The following IMMP2L variants were observed in gnomAD, a reference collection of about 807,000 sequenced individuals.
IMMP2L encodes mitochondrial inner membrane protease subunit 2.
IMMP2L carries 18 observed loss-of-function variants against 19.3 expected under a neutral mutation model. The observed-to-expected ratio is 0.93, with a 90% CI of 0.64 to 1.38. The LOEUF is 1.38. Among genes scored for constraint, IMMP2L ranks in the 40% most tolerant of loss-of-function variants. The pLI is 0.00. For missense variants in IMMP2L, 233 were observed against 218.2 expected, an observed-to-expected ratio of 1.07 and a Z score of -0.43; for synonymous variants, 76 against 73.0, an observed-to-expected ratio of 1.04 and a Z score of -0.21.
intron 3 of IMMP2L, among the ~76,000 whole-genome samples, chr7:111,083,035 T>C (rs1164486349): frequency 6.6e-6 from 1 of 152,214 alleles, no homozygotes; most frequent in Non-Finnish European, 1.5e-5. Flanking sequence ...AACTCTGCTA[T>C]TAAAACAGGG....
rs146397368 is a variant in IMMP2L, at chr7:111,289,272, G to T, written c.239+197966C>A. ...ATCACACATGGGGGCTTGTCAGGGG[G>T]TTGGGGGGCTAGGGAAGGGACAGCA... On this transcript the variant is annotated intron_variant, in intron 3 of 5. Coordinates refer to ENST00000405709, the MANE Select transcript of IMMP2L (RefSeq NM_032549.4). Among the ~76,000 whole-genome samples the T allele has an allele frequency of 2.7e-3, 409 of 151,202 alleles. 1 individual carries two copies. Among genetic ancestry groups the T allele is most frequent in the African/African-American group, 9.3e-3 (383 of 41,184 alleles).
chr7:111,053,406 G>A (rs1793195215), intron 3 of IMMP2L, among the ~76,000 whole-genome samples: 1 of 149,708 alleles, frequency 6.7e-6, no homozygotes, highest in Non-Finnish European at 1.5e-5. Flanking sequence ...AATGGCCCTA[G>A]GTGGTCATAT....
Position 110,728,364 on chromosome 7 carries a change from T to C in IMMP2L, c.409-64643A>G, listed in dbSNP as rs899341531. On this transcript the variant is annotated intron_variant, in intron 5 of 5. Transcript: ENST00000405709. This position sits in a 1 kb window ranked among gnomAD's most constrained non-coding sequence, Gnocchi z 4.6. ...ATATATAAAAATTAGCTGGGCATAGTGGTGTGTGCCTGTAAACCCAGCTAC... is the reference window on the plus strand; with the variant it reads ...ATATATAAAAATTAGCTGGGCATAGCGGTGTGTGCCTGTAAACCCAGCTAC... 1.3e-5 allele frequency among the ~76,000 whole-genome samples: 2 copies of C among 151,810 alleles called. No homozygotes were observed. Among genetic ancestry groups the C allele is most frequent in the African/African-American group, 4.8e-5 (2 of 41,274 alleles).
chr7:111,364,074 G>C (rs1015656345), intron 3 of IMMP2L, among the ~76,000 whole-genome samples: 3 of 151,710 alleles, frequency 2.0e-5, no homozygotes, highest in Non-Finnish European at 4.4e-5. Flanking sequence ...TACTGTCACA[G>C]CACTTACCAT....
chr7:111,358,555 C>G (rs1828945611), intron 3 of IMMP2L, among the ~76,000 whole-genome samples: 1 of 152,068 alleles, frequency 6.6e-6, no homozygotes, highest in Non-Finnish European at 1.5e-5. Context: ...CCACACCAGG[C>G]AGCAAAGCAA....
In IMMP2L at chr7:111,106,058, G is replaced by T. The variant is rs540281551; in HGVS notation, c.240-142493C>A. Among the ~76,000 whole-genome samples the T allele has an allele frequency of 8.5e-5, 13 of 152,060 alleles. 1 individual carries two copies. In the East Asian group the frequency reaches 2.5e-3, roughly 29 times the overall value. On this transcript the variant is annotated intron_variant, in intron 3 of 5. Coordinates refer to ENST00000405709, the MANE Select transcript of IMMP2L (RefSeq NM_032549.4). ...TTAGAAACATATTTGTAATATCACAGTAACACATAACATAGTCTTTTTCCA... is the reference window on the plus strand; with the variant it reads ...TTAGAAACATATTTGTAATATCACATTAACACATAACATAGTCTTTTTCCA...
At chr7:111,090,144 T>C (rs1441796482) in intron 3 of IMMP2L, among the ~76,000 whole-genome samples, 1 of 152,124 alleles carries the variant, frequency 6.6e-6, no homozygotes, top group Non-Finnish European at 1.5e-5. Context: ...AAACATGCAT[T>C]TTTAAAACTG....
chr7:111,215,880 T>G (rs1317577019), intron 3 of IMMP2L, among the ~76,000 whole-genome samples: 1 of 152,168 alleles, frequency 6.6e-6, no homozygotes, highest in East Asian at 1.9e-4. Context: ...GCTGTTAGAA[T>G]TTGTATTTAA....
intron 1 of IMMP2L, among the ~76,000 whole-genome samples, chr7:111,532,294 C>T (rs912732109): frequency 6.6e-6 from 1 of 152,124 alleles, no homozygotes; most frequent in African/African-American, 2.4e-5. Flanking sequence ...ATATTCACTT[C>T]TCTTACACTG....
intron 3 of IMMP2L, among the ~76,000 whole-genome samples, chr7:111,462,109 T>C (rs755654698): frequency 6.6e-6 from 1 of 151,560 alleles, no homozygotes; most frequent in East Asian, 1.9e-4. Flanking sequence ...ATTTTAATAA[T>C]AAATATTCTA....
At chr7:111,440,792 T>C (rs542169728) in intron 3 of IMMP2L, among the ~76,000 whole-genome samples, 1 of 152,076 alleles carries the variant, frequency 6.6e-6, no homozygotes, top group Admixed American at 6.5e-5. Context: ...CTTCTTCCTA[T>C]ATAAAGCTGT....
chr7:111,089,870 G>T (rs1348294293), intron 3 of IMMP2L, among the ~76,000 whole-genome samples: 1 of 150,572 alleles, frequency 6.6e-6, no homozygotes, highest in Non-Finnish European at 1.5e-5. Context: ...AATTTTTCCT[G>T]GTATTATTAT....
chr7:111,484,564 TTTC>T (rs1278630740), intron 3 of IMMP2L, among the ~76,000 whole-genome samples: 1 of 152,184 alleles, frequency 6.6e-6, no homozygotes, highest in Non-Finnish European at 1.5e-5. Context: ...GTGTCACACA[TTTC>T]TTAAATAAAT....
intron 3 of IMMP2L, among the ~76,000 whole-genome samples, chr7:111,329,715 AG>A (rs143779991): frequency 0.013 from 2,050 of 152,012 alleles, 17 homozygotes; most frequent in South Asian, 0.025. Context: ...AGAGAGAAAA[AG>A]GGGAGAACAT....
intron 4 of IMMP2L, among the ~76,000 whole-genome samples, chr7:110,948,683 G>A (rs1453462152): frequency 1.3e-5 from 2 of 152,074 alleles, no homozygotes; most frequent in Admixed American, 1.3e-4. Context: ...TAGTATAATA[G>A]CTCTTCCCCC....
intron 3 of IMMP2L, among the ~76,000 whole-genome samples, chr7:111,393,586 ACG>A (rs1272879795): frequency 4.6e-5 from 7 of 152,112 alleles, no homozygotes; most frequent in African/African-American, 1.7e-4. Context: ...CTGACATTTT[ACG>A]TAGGAGGGAA....
At chr7:110,753,477 G>A (rs920155776) in intron 5 of IMMP2L, among the ~76,000 whole-genome samples, 1 of 151,954 alleles carries the variant, frequency 6.6e-6, no homozygotes, top group Non-Finnish European at 1.5e-5. Flanking sequence ...CCCATATAGT[G>A]TTATATAGGA....
intron 3 of IMMP2L, among the ~76,000 whole-genome samples, chr7:111,048,030 A>G (rs1055336945): frequency 1.3e-5 from 2 of 151,820 alleles, no homozygotes; most frequent in African/African-American, 2.4e-5. Flanking sequence ...ACAAGGTCAG[A>G]AGATTGAGAC....
chr7:110,883,380 CT>C (rs1225113793), intron 5 of IMMP2L, among the ~76,000 whole-genome samples: 23 of 152,172 alleles, frequency 1.5e-4, no homozygotes, highest in Non-Finnish European at 3.2e-4. Flanking sequence ...GGCATATTTC[CT>C]TCACAAAACA....
Sources: allele counts gnomAD v4.1 joint callset (sites outside exome capture counted in the v4.1 genomes callset), GRCh38; gene constraint gnomAD v4.1.1; non-coding constraint Gnocchi (gnomAD v3.1); transcripts MANE v1.5; gene names NCBI Gene and HGNC (gene_info 2026-07-23, HGNC 2026-07-21).